Variants in ATP10B observed in about 807,000 individuals in gnomAD.
The protein encoded by ATP10B is ATPase phospholipid transporting 10B (putative), also known as phospholipid-transporting ATPase VB.
A neutral mutation model predicts 141.2 loss-of-function variants in ATP10B; 122 were observed. The observed-to-expected ratio is 0.86, with a 90% CI of 0.75 to 1.00. The LOEUF (loss-of-function observed/expected upper bound fraction) is 1.00, where lower values mean the gene tolerates loss of function less well. ATP10B is among the 50% of genes least tolerant of loss of function. The pLI is 0.00. For missense variants in ATP10B, 1,876 were observed against 1,825.3 expected (o/e 1.03, Z -0.51); for synonymous variants, 685 against 692.0 (o/e 0.99, Z 0.16).
At chr5:160,824,508 G>A (rs145841555) in intron 1 of ATP10B, among the ~76,000 whole-genome samples, 17 of 152,238 alleles carry the variant, frequency 1.1e-4, no homozygotes, top group Middle Eastern at 3.4e-3. Context: ...CCAACAATCT[G>A]AGAAATGTCA....
intron 7 of ATP10B, among the ~76,000 whole-genome samples, chr5:160,666,865 CTG>C (rs1436082407): frequency 6.6e-6 from 1 of 152,174 alleles, no homozygotes; most frequent in African/African-American, 2.4e-5. Flanking sequence ...GTAAGCATCT[CTG>C]TGTGAACGCA....
At chr5:160,725,878 C>A (rs73798530) in intron 2 of ATP10B, among the ~76,000 whole-genome samples, 9,041 of 152,086 alleles carry the variant, frequency 0.059, 334 homozygotes, top group Middle Eastern at 0.17. Context: ...ATCTGGAAAC[C>A]GAGGCCCTGA....
chr5:160,904,121 T>C, the ATP10B span, among the ~76,000 whole-genome samples: 24 of 151,708 alleles, frequency 1.6e-4, no homozygotes, highest in Admixed American at 1.2e-3. Flanking sequence ...AGGAAGAGGC[T>C]AGTGTTTTTT....
chr5:160,663,608 G>C (rs1369669990), intron 7 of ATP10B, among the ~76,000 whole-genome samples: 1 of 152,060 alleles, frequency 6.6e-6, no homozygotes, highest in African/African-American at 2.4e-5. Context: ...ATGGACACAG[G>C]AAGGGGAACA....
chr5:160,652,691 A>G (rs1304752991), intron 7 of ATP10B, among the ~76,000 whole-genome samples: 1 of 130,168 alleles, frequency 7.7e-6, no homozygotes, highest in Non-Finnish European at 1.6e-5. Context: ...ATACATATGT[A>G]TAAATAATAT....
chr5:160,577,107 C>T (rs1195217765), intron 24 of ATP10B, among the ~76,000 whole-genome samples: 1 of 152,190 alleles, frequency 6.6e-6, no homozygotes, highest in African/African-American at 2.4e-5. Flanking sequence ...GCATTTGTTA[C>T]ATTTTCAACT....
At chr5:160,913,897 G>T in the ATP10B span, among the ~76,000 whole-genome samples, 1 of 152,174 alleles carries the variant, frequency 6.6e-6, no homozygotes, top group African/African-American at 2.4e-5. Flanking sequence ...AAATAAATGT[G>T]TATCTTGTTT....
At chr5:160,585,565 G>A (rs1755828824) in intron 24 of ATP10B, among the ~76,000 whole-genome samples, 1 of 152,222 alleles carries the variant, frequency 6.6e-6, no homozygotes, top group South Asian at 2.1e-4. Context: ...TGGCGCCACT[G>A]CACTCTGGCC....
At chr5:160,703,827 T>C (rs1581385289) in intron 3 of ATP10B, among the ~76,000 whole-genome samples, 1 of 152,202 alleles carries the variant, frequency 6.6e-6, no homozygotes, top group Non-Finnish European at 1.5e-5. Context: ...ATGAAATGTA[T>C]TTCTTAAGTA....
At chr5:160,892,208 A>G in the ATP10B span, among the ~76,000 whole-genome samples, 1 of 152,150 alleles carries the variant, frequency 6.6e-6, no homozygotes, top group African/African-American at 2.4e-5. Context: ...AGCTCCTTCC[A>G]AGGCCTCCTG....
At chr5:160,728,246 T>G (rs1334340030) in intron 2 of ATP10B, among the ~76,000 whole-genome samples, 2 of 152,136 alleles carry the variant, frequency 1.3e-5, no homozygotes, top group African/African-American at 4.8e-5. Context: ...TAAGGAAATG[T>G]GTAAATACTA....
intron 2 of ATP10B, among the ~76,000 whole-genome samples, chr5:160,780,207 A>C (rs1051638144): frequency 6.6e-6 from 1 of 152,200 alleles, no homozygotes; most frequent in Non-Finnish European, 1.5e-5. Flanking sequence ...GACTGAGAGT[A>C]CTGGAAACCT....
chr5:160,731,754 G>A (rs745312592), intron 2 of ATP10B, among the ~76,000 whole-genome samples: 1 of 152,242 alleles, frequency 6.6e-6, no homozygotes, highest in Admixed American at 6.5e-5. Context: ...AAGTTCTGTC[G>A]GCCCTCATCT....
intron 22 of ATP10B, among the ~76,000 whole-genome samples, chr5:160,596,659 A>C (rs1353430802): frequency 2.6e-5 from 4 of 151,382 alleles, no homozygotes; most frequent in East Asian, 1.9e-4. Context: ...GTCTCAGCCC[A>C]AAATCTCCTT....
At chr5:160,686,050 A>G (rs769791387) in intron 6 of ATP10B, 29 bp downstream of exon 6, 2 of 1,503,384 alleles carry the variant, frequency 1.3e-6, no homozygotes, top group South Asian at 2.8e-5. Context: ...CCCATTTGCA[A>G]GAGAGAACAC....
intron 1 of ATP10B, among the ~76,000 whole-genome samples, chr5:160,819,381 G>C (rs963951968): frequency 1.4e-4 from 22 of 152,094 alleles, no homozygotes; most frequent in Non-Finnish European, 8.8e-5. Context: ...AGAAACAAAA[G>C]CTGAGGGATT....
At chr5:160,700,043 C>G (rs1388676464) in intron 3 of ATP10B, among the ~76,000 whole-genome samples, 1 of 151,632 alleles carries the variant, frequency 6.6e-6, no homozygotes, top group Non-Finnish European at 1.5e-5. Context: ...TGGTTTCAGG[C>G]CAAAGGGAAA....
In ATP10B at chr5:160,591,163, A is replaced by AATTATCACCCTTATAGCAAGCCTCTATT. The variant is rs748774977; in HGVS notation, c.3565-52_3565-25dup. ...CACTGCCAGGAGAGAACACACCAAT[A>AATTATCACCCTTATAGCAAGCCTCTATT]ATTATCACCCTTATAGCAAGCCTCT... On this transcript the variant is annotated intron_variant, in intron 22 of 25. Transcript: ENST00000327245. 5.0e-6 allele frequency: 8 copies of AATTATCACCCTTATAGCAAGCCTCTATT among 1,598,208 alleles called. 1 individual carries two copies. In the African/African-American group the frequency reaches 6.7e-5, roughly 13 times the overall value.
chr5:160,808,236 T>C (rs1380174665), intron 1 of ATP10B, among the ~76,000 whole-genome samples: 1 of 152,166 alleles, frequency 6.6e-6, no homozygotes, highest in Non-Finnish European at 1.5e-5. Flanking sequence ...TGTGTTTGTG[T>C]AAGAAAAAAA....
Sources: allele counts gnomAD v4.1 joint callset (sites outside exome capture counted in the v4.1 genomes callset), GRCh38; gene constraint gnomAD v4.1.1; transcripts MANE v1.5; gene names NCBI Gene and HGNC (gene_info 2026-07-23, HGNC 2026-07-21).